Variants in DPYD observed in about 807,000 individuals in gnomAD.
DPYD encodes dihydropyrimidine dehydrogenase.
In DPYD, 109 loss-of-function variants were observed where a neutral mutation model predicts 116.2. The ratio of observed to expected loss-of-function variants is 0.94; its 90% CI spans 0.80 to 1.10. The LOEUF is 1.10. DPYD is among the 50% of genes least tolerant of loss of function. DPYD has a pLI of 0.00. For missense variants in DPYD, 1,302 were observed against 1,254.5 expected, an observed-to-expected ratio of 1.04 and a Z score of -0.57; for synonymous variants, 440 against 432.0, an observed-to-expected ratio of 1.02 and a Z score of -0.23.
chr1:97,190,388 T>C (rs1212179567), intron 20 of DPYD, among the ~76,000 whole-genome samples: 1 of 152,160 alleles, frequency 6.6e-6, no homozygotes, highest in Non-Finnish European at 1.5e-5. Context: ...ATGAGAATTA[T>C]GATGTTAAAA....
rs543841642 is a variant in DPYD, at chr1:97,776,430, T to A, written c.234-35951A>T. ...ATATTTTTCAGTATGCTCCAGGATG[T>A]TAGAATATAGTGCGTAGTAGTTGCA... On this transcript the variant is annotated intron_variant, in intron 3 of 22. Coordinates refer to ENST00000370192, the MANE Select transcript of DPYD (RefSeq NM_000110.4). Among the ~76,000 whole-genome samples, 3 of 152,264 alleles carry A rather than the reference T, an allele frequency of 2.0e-5. No homozygotes were observed. The South Asian group carries it at 6.2e-4, about 32-fold the overall frequency.
At chr1:97,683,255 C>T (rs908788850) in intron 7 of DPYD, among the ~76,000 whole-genome samples, 3 of 151,724 alleles carry the variant, frequency 2.0e-5, no homozygotes, top group Non-Finnish European at 4.4e-5. Context: ...TATTTATTAG[C>T]TATTAGTGTA....
In DPYD at chr1:97,295,576, G is replaced by A. The variant is rs112478080; in HGVS notation, c.2299+9683C>T. 1,550 of 160,454 alleles carry A rather than the reference G, an allele frequency of 9.7e-3. 24 individuals are homozygous for A. The highest frequency in any genetic ancestry group is 0.035 in the African/African-American group (1,444 of 41,564). 9.9% of individuals were successfully genotyped at this position (160,454 alleles called of 1,614,324 possible). On this transcript the variant is annotated intron_variant, in intron 18 of 22. Coordinates refer to ENST00000370192, the MANE Select transcript of DPYD (RefSeq NM_000110.4). ...CTCAGGAGTAGCTGGGACTACAGGC[G>A]CATGTCACCATGCCAGGCTAAGTTT... is the stretch of plus-strand genomic sequence containing the variant.
intron 10 of DPYD, among the ~76,000 whole-genome samples, chr1:97,579,296 G>T (rs1451530893): frequency 6.6e-6 from 1 of 152,130 alleles, no homozygotes; most frequent in Non-Finnish European, 1.5e-5. Context: ...GTAGAATGAA[G>T]GACAAATTAT....
chr1:97,849,943 G>C (rs1380309398), intron 2 of DPYD, among the ~76,000 whole-genome samples: 1 of 152,092 alleles, frequency 6.6e-6, no homozygotes, highest in African/African-American at 2.4e-5. Context: ...TTGTCCTCAG[G>C]AGCACTAAGA....
chr1:97,190,135 C>CA (rs1203275139), intron 20 of DPYD, among the ~76,000 whole-genome samples: 1 of 152,180 alleles, frequency 6.6e-6, no homozygotes, highest in Non-Finnish European at 1.5e-5. Context: ...TGCTGTCCTA[C>CA]ATGCAGTTTC....
chr1:97,447,433 C>T lies in DPYD; in HGVS notation c.1905+2626G>A, dbSNP rs1281290556. Among the ~76,000 whole-genome samples the T allele has an allele frequency of 3.3e-5, 5 of 152,102 alleles. 1 individual carries two copies. Among genetic ancestry groups the T allele is most frequent in the South Asian group, 2.1e-4 (1 of 4,824 alleles). On this transcript the variant is annotated intron_variant, in intron 14 of 22. Transcript: ENST00000370192. ...GCATGGCAATATCGAGGTGCACACA[C>T]ATTATTTCTATGGGTTCAAATGGGA...
intron 13 of DPYD, among the ~76,000 whole-genome samples, chr1:97,503,031 G>A (rs1047838400): frequency 6.6e-6 from 1 of 151,864 alleles, no homozygotes; most frequent in African/African-American, 2.4e-5. Context: ...CAACTGTAAC[G>A]TTTCAATAAT....
At chr1:97,400,432 A>C (rs969893313) in intron 14 of DPYD, among the ~76,000 whole-genome samples, 2 of 152,144 alleles carry the variant, frequency 1.3e-5, no homozygotes, top group Admixed American at 6.6e-5. Flanking sequence ...TGTCTCTGCC[A>C]GACTTTGGTA....
rs545396072 is a variant in DPYD, at chr1:97,759,799, C to A, written c.234-19320G>T. On this transcript the variant is annotated intron_variant, in intron 3 of 22. Transcript: ENST00000370192. ...TTATTGAACATTTCCTAGATACTTA[C>A]AATGGGACAAACACTATACTATGCA... 3.9e-5 allele frequency among the ~76,000 whole-genome samples: 6 copies of A among 152,194 alleles called. No homozygotes were observed. The South Asian group carries it at 1.2e-3, about 32-fold the overall frequency.
rs117320564 is a variant in DPYD at position 97,904,552 on chromosome 1, C to A, written c.39+16332G>T. 5.0e-4 allele frequency among the ~76,000 whole-genome samples: 76 copies of A among 152,100 alleles called. 1 individual carries two copies. In the East Asian group the frequency reaches 0.014, roughly 28 times the overall value. Reference sequence around the variant, plus strand: ...GTTAACCACCAAAGACAGCTTTAGACCCTTATCAGCCTAGCAACAGTACCA... The same window carrying A: ...GTTAACCACCAAAGACAGCTTTAGAACCTTATCAGCCTAGCAACAGTACCA... On this transcript the variant is annotated intron_variant, in intron 1 of 22. Transcript: ENST00000370192.
At chr1:97,901,808 T>C (rs1673382822) in intron 1 of DPYD, among the ~76,000 whole-genome samples, 1 of 151,826 alleles carries the variant, frequency 6.6e-6, no homozygotes, top group Admixed American at 6.6e-5. Flanking sequence ...ACATCTTGTC[T>C]AAAAAGCTAA....
intron 20 of DPYD, among the ~76,000 whole-genome samples, chr1:97,153,405 A>G (rs1412874606): frequency 1.3e-5 from 2 of 152,096 alleles, no homozygotes; most frequent in African/African-American, 2.4e-5. Context: ...AAACGTGTCT[A>G]TCCTATTCAA....
At chr1:97,410,452 T>C (rs1673920475) in intron 14 of DPYD, among the ~76,000 whole-genome samples, 1 of 152,212 alleles carries the variant, frequency 6.6e-6, no homozygotes, top group Non-Finnish European at 1.5e-5. Flanking sequence ...AATTCAACGA[T>C]TATTTTGATA....
chr1:97,646,725 G>C (rs1012339702), intron 8 of DPYD, among the ~76,000 whole-genome samples: 13 of 151,996 alleles, frequency 8.6e-5, no homozygotes, highest in African/African-American at 3.1e-4. Flanking sequence ...ATCATGTAAT[G>C]AGCTAACTTT....
intron 16 of DPYD, among the ~76,000 whole-genome samples, chr1:97,322,297 C>G (rs1041235492): frequency 3.3e-5 from 5 of 151,664 alleles, no homozygotes; most frequent in African/African-American, 1.2e-4. Context: ...TTTCTTCCCA[C>G]TGCTGCTGTA....
chr1:97,196,506 G>T (rs1216700018), intron 19 of DPYD, among the ~76,000 whole-genome samples: 2 of 152,126 alleles, frequency 1.3e-5, no homozygotes, highest in African/African-American at 2.4e-5. Flanking sequence ...TGATTTCTGT[G>T]TATGAGATTT....
At chr1:97,492,778 CTT>C (rs1052757495) in intron 13 of DPYD, among the ~76,000 whole-genome samples, 2 of 152,122 alleles carry the variant, frequency 1.3e-5, no homozygotes, top group African/African-American at 2.4e-5. Context: ...AATGGAAACT[CTT>C]TGAAATATAC....
At chr1:97,254,659 C>G (rs543359685) in intron 18 of DPYD, among the ~76,000 whole-genome samples, 2 of 152,268 alleles carry the variant, frequency 1.3e-5, no homozygotes, top group East Asian at 3.9e-4. Context: ...TTACATTAAA[C>G]AGAGTGGATG....
Sources: allele counts gnomAD v4.1 joint callset (sites outside exome capture counted in the v4.1 genomes callset), GRCh38; gene constraint gnomAD v4.1.1; transcripts MANE v1.5; gene names NCBI Gene and HGNC (gene_info 2026-07-23, HGNC 2026-07-21).